Variants in MYOM3 observed in about 807,000 individuals in gnomAD.
MYOM3 encodes the protein myomesin 3, also known as myomesin-3.
A neutral mutation model predicts 191.7 loss-of-function variants in MYOM3; 155 were observed. That is an observed-to-expected ratio of 0.81 (90% CI 0.71 to 0.92). The LOEUF (loss-of-function observed/expected upper bound fraction) is 0.92, where lower values mean the gene tolerates loss of function less well. Among genes scored for constraint, MYOM3 ranks in the 40% least tolerant of loss-of-function variants. MYOM3 has a pLI of 0.00. For missense variants in MYOM3, 1,889 were observed against 1,890.6 expected, an observed-to-expected ratio of 1.00 and a Z score of 0.02; for synonymous variants, 757 against 762.9, an observed-to-expected ratio of 0.99 and a Z score of 0.13.
At chr1:24,066,060 A>C in intron 28 of MYOM3, 59 bp from the exon 29 acceptor site, 1 of 1,034,278 alleles carries the variant, frequency 9.7e-7, no homozygotes, top group Middle Eastern at 2.0e-4. Flanking sequence ...GAGTAAAAAC[A>C]CACCTGTGCA....
chr1:24,061,324 G>A lies in MYOM3; in HGVS notation c.3935-15C>T. Reference sequence around the variant, plus strand: ...ATCCTCAAAAGCTATAAGAAGGACAGAGGAGAATGGGGGCCATCAGGGCCT... The same window carrying A: ...ATCCTCAAAAGCTATAAGAAGGACAAAGGAGAATGGGGGCCATCAGGGCCT... On this transcript the variant is annotated splice_polypyrimidine_tract_variant and intron_variant, in intron 33 of 36. Coordinates refer to ENST00000374434, the MANE Select transcript of MYOM3 (RefSeq NM_152372.4). The A allele has an allele frequency of 6.2e-7, 1 of 1,613,822 alleles. No homozygotes were observed. Among genetic ancestry groups the A allele is most frequent in the Non-Finnish European group, 8.5e-7 (1 of 1,179,832 alleles).
intron 5 of MYOM3, 72 bp downstream of exon 5, chr1:24,105,848 A>G: frequency 7.0e-7 from 1 of 1,425,932 alleles, no homozygotes; most frequent in Non-Finnish European, 9.5e-7. Flanking sequence ...AAGTCCTGGC[A>G]GAAGTATTGG....
chr1:24,057,143 G>A lies in MYOM3; in HGVS notation c.*221C>T, dbSNP rs932242086. Reference sequence around the variant, plus strand: ...ATCCGGGTCTCCTACTCCAGGTCCAGGGTTCATCCCGCTCTCCTGGAAGCC... The same window carrying A: ...ATCCGGGTCTCCTACTCCAGGTCCAAGGTTCATCCCGCTCTCCTGGAAGCC... On this transcript the variant is annotated 3_prime_UTR_variant, in exon 37 of 37. Coordinates refer to ENST00000374434, the MANE Select transcript of MYOM3 (RefSeq NM_152372.4). The A allele has an allele frequency of 3.5e-6, 2 of 572,332 alleles. No individual in the cohort carries two copies. Among genetic ancestry groups the A allele is most frequent in the East Asian group, 2.8e-5 (1 of 35,138 alleles). 35.5% of individuals were successfully genotyped at this position (572,332 alleles called of 1,614,324 possible).
intron 5 of MYOM3, among the ~76,000 whole-genome samples, chr1:24,102,161 C>T (rs572218451): frequency 8.6e-4 from 131 of 152,320 alleles, no homozygotes; most frequent in African/African-American, 3.0e-3. Context: ...TGGCCTCACC[C>T]ATGCCATGTT....
At position 24,110,869 on chromosome 1, in the gene MYOM3, C is replaced by T. The variant is rs1281053044; in HGVS notation, c.-19+1162G>A. On this transcript the variant is annotated intron_variant, in intron 1 of 36. Coordinates refer to ENST00000374434, the MANE Select transcript of MYOM3 (RefSeq NM_152372.4). ...GGTACCACCCTAGGTGGAGCAAGGA[C>T]CCCCCACTCTGCCCCAGCTTTCCTG... 3.3e-5 allele frequency among the ~76,000 whole-genome samples: 5 copies of T among 152,308 alleles called. No individual in the cohort carries two copies. In the East Asian group the frequency reaches 7.7e-4, roughly 24 times the overall value.
At position 24,092,291 on chromosome 1, in the gene MYOM3, G is replaced by C; in HGVS notation, c.1115C>G (p.Ala372Gly). ...VRDAEAENPGAPGSPLNVRCL... is the reference protein window; with the variant it reads ...VRDAEAENPGGPGSPLNVRCL... The stretch of plus-strand genomic sequence containing the variant: ...TCGGACGTTCAGTGGGGAGCCTGGG[G>C]CCCCGGGGTTCTCGGCCTCGGCATC... The change falls in exon 11 of 37, where the codon GCC becomes GGC. Residue 372 changes from alanine to glycine, a missense_variant. Transcript: ENST00000374434. The C allele has an allele frequency of 7.3e-7, 1 of 1,361,160 alleles. No homozygotes were observed. The highest frequency in any genetic ancestry group is 9.6e-7 in the Non-Finnish European group (1 of 1,046,478). The allele number at this position is 1,361,160 out of a possible 1,614,324, so 84.3% of individuals were successfully genotyped here.
intron 4 of MYOM3, among the ~76,000 whole-genome samples, 160 bp downstream of exon 4, chr1:24,106,913 C>G (rs1643988118): frequency 6.6e-6 from 1 of 152,232 alleles, no homozygotes; most frequent in Non-Finnish European, 1.5e-5. Flanking sequence ...CAGGGATGCG[C>G]TTGCCCGGGG....
chr1:24,105,302 G>C (rs1643972969), intron 5 of MYOM3, among the ~76,000 whole-genome samples: 1 of 152,244 alleles, frequency 6.6e-6, no homozygotes, highest in Non-Finnish European at 1.5e-5. Flanking sequence ...AAGAGGCATG[G>C]CTGAGACCTC....
At chr1:24,086,001 C>T (rs772780223) in intron 15 of MYOM3, among the ~76,000 whole-genome samples, 10 of 152,058 alleles carry the variant, frequency 6.6e-5, no homozygotes, top group African/African-American at 1.2e-4. Flanking sequence ...ATGGCAGCTA[C>T]GGGGAATCTG....
chr1:24,094,168 C>CTTTTT lies in MYOM3; in HGVS notation c.928+680_928+684dup, dbSNP rs746164315. Among the ~76,000 whole-genome samples, 62 of 126,300 alleles carry CTTTTT rather than the reference C, an allele frequency of 4.9e-4. 1 individual carries two copies. Among genetic ancestry groups the CTTTTT allele is most frequent in the African/African-American group, 1.9e-3 (61 of 32,640 alleles). 82.9% of individuals were successfully genotyped at this position (126,300 alleles called of 152,430 possible). A position where few individuals can be genotyped will look rare whatever the true frequency, so the allele number is the denominator to read the frequency against. On this transcript the variant is annotated intron_variant, in intron 9 of 36. Transcript: ENST00000374434. ...CCATTGCTTTGAGTGCCCTCACTCA[C>CTTTTT]TTTTTTTTTTTTTTTTTTTTGAGAT...
At position 24,058,950 on chromosome 1, in the gene MYOM3, C is replaced by T. The variant is rs1643335239; in HGVS notation, c.4024G>A (p.Asp1342Asn). The T allele has an allele frequency of 1.2e-6, 2 of 1,612,066 alleles. No homozygotes were observed. The highest frequency in any genetic ancestry group is 1.7e-5 in the Admixed American group (1 of 59,786). Residue 1342 changes from aspartate to asparagine, a missense_variant, in exon 36 of 37, where the codon GAT (aspartate) becomes AAT (asparagine). Physicochemically the swap from Asp to Asn is conservative, Grantham distance 23. Transcript: ENST00000374434. ...NRAKVVRGLP[D>N]VATIMEDKTL... is the part of the protein sequence containing the mutation. ...TTATCTTCCATGATAGTGGCCACAT[C>T]CGGCAGACCTCTCACCACTTTGGCA...
intron 29 of MYOM3, 126 bp from the exon 30 acceptor site, chr1:24,064,285 C>A: frequency 3.0e-6 from 2 of 665,288 alleles, no homozygotes; most frequent in East Asian, 2.9e-5. Context: ...TAAGACCCTT[C>A]TCCTCCCTGG....
At chr1:24,086,328 A>G (rs557446288) in intron 15 of MYOM3, among the ~76,000 whole-genome samples, 57 of 152,248 alleles carry the variant, frequency 3.7e-4, no homozygotes, top group Non-Finnish European at 7.2e-4. Context: ...ATCTAGGGGC[A>G]GGCCAGAGAC....
intron 20 of MYOM3, among the ~76,000 whole-genome samples, chr1:24,076,810 G>A (rs1441318513): frequency 3.5e-5 from 2 of 56,500 alleles, no homozygotes; most frequent in South Asian, 3.1e-4. Flanking sequence ...CACCGCGCCC[G>A]GCCCCTAATG....
chr1:24,091,893 C>G (rs1643843176), intron 11 of MYOM3, among the ~76,000 whole-genome samples: 1 of 152,208 alleles, frequency 6.6e-6, no homozygotes, highest in African/African-American at 2.4e-5. Flanking sequence ...AGGGTTCAAG[C>G]ACTCCCCGTT....
Position 24,099,180 on chromosome 1 carries a change from A to G in MYOM3, c.656+500T>C, listed in dbSNP as rs933455307. 2.6e-5 allele frequency among the ~76,000 whole-genome samples: 4 copies of G among 152,146 alleles called. No homozygotes were observed. In the East Asian group the frequency reaches 7.7e-4, roughly 29 times the overall value. On this transcript the variant is annotated intron_variant, in intron 6 of 36. Transcript: ENST00000374434. ...CTCAAAACCATGCTTAGGACGCACC[A>G]TCTCCTGAAAGGCTGAACTCTCTCC... is the stretch of plus-strand genomic sequence containing the variant.
chr1:24,103,725 T>G (rs1643958657), intron 5 of MYOM3, among the ~76,000 whole-genome samples: 4 of 152,148 alleles, frequency 2.6e-5, no homozygotes, highest in Admixed American at 2.6e-4. Context: ...ACGTTTTGCC[T>G]TGAAAAGTAA....
Position 24,090,985 on chromosome 1 carries a change from T to A in MYOM3, c.1244A>T (p.Glu415Val), listed in dbSNP as rs1159328864. Reference protein sequence around the residue: ...TAYTIERCQGESGEWIACHEA... With the variant: ...TAYTIERCQGVSGEWIACHEA... ...ATGGCAGGCGATCCATTCCCCAGAC[T>A]CGCCCTGGCACCTGTTGGAGACAGG... The change falls in exon 12 of 37, where the codon GAG (glutamate) becomes GTG (valine). Residue 415 changes from glutamate to valine, a missense_variant. Physicochemically the swap from Glu to Val is moderately radical, Grantham distance 121 (BLOSUM62 -2). Coordinates refer to ENST00000374434, the MANE Select transcript of MYOM3 (RefSeq NM_152372.4). 6.2e-7 allele frequency: 1 copy of A among 1,613,718 alleles called. No individual in the cohort carries two copies. Among genetic ancestry groups the A allele is most frequent in the South Asian group, 1.1e-5 (1 of 91,070 alleles).
At position 24,110,215 on chromosome 1, in the gene MYOM3, G is replaced by A. The variant is rs559818460; in HGVS notation, c.-18-1561C>T. 5.3e-5 allele frequency among the ~76,000 whole-genome samples: 8 copies of A among 152,296 alleles called. No individual in the cohort carries two copies. In the East Asian group the frequency reaches 1.5e-3, roughly 29 times the overall value. The stretch of plus-strand genomic sequence containing the variant: ...AGGCTTCTGGCATGGGAGGGTTCCT[G>A]CCCAGGCGTGGGGATGGAAACAGAA... On this transcript the variant is annotated intron_variant, in intron 1 of 36. Coordinates refer to ENST00000374434, the MANE Select transcript of MYOM3 (RefSeq NM_152372.4).
Sources: allele counts gnomAD v4.1 joint callset (sites outside exome capture counted in the v4.1 genomes callset), GRCh38; gene constraint gnomAD v4.1.1; transcripts MANE v1.5; gene names NCBI Gene and HGNC (gene_info 2026-07-23, HGNC 2026-07-21).